Variants in BCAS3 observed in about 807,000 individuals in gnomAD.
The protein encoded by BCAS3 is BCAS3 microtubule associated cell migration factor, also known as BCAS4/BCAS3 fusion.
BCAS3 carries 53 observed loss-of-function variants against 116.1 expected under a neutral mutation model. The observed-to-expected ratio is 0.46, with a 90% confidence interval of 0.37 to 0.57. The LOEUF (loss-of-function observed/expected upper bound fraction) is 0.57. Among genes scored for constraint, BCAS3 ranks in the 20% least tolerant of loss-of-function variants. BCAS3 has a pLI of 0.00. For missense variants in BCAS3, 917 were observed against 1,165.4 expected (o/e 0.79, Z 3.10); for synonymous variants, 391 against 408.2 (o/e 0.96, Z 0.51).
At position 60,799,520 on chromosome 17, in the gene BCAS3, G is replaced by GTTTTTTTTTTTTTTT. The variant is rs200098763; in HGVS notation, c.404-8481_404-8480insTTTTTTTTTTTTTTT. 3.1e-4 allele frequency among the ~76,000 whole-genome samples: 37 copies of GTTTTTTTTTTTTTTT among 117,644 alleles called. 8 individuals carry two copies. Among genetic ancestry groups the GTTTTTTTTTTTTTTT allele is most frequent in the African/African-American group, 1.3e-3 (35 of 27,176 alleles). The allele number at this position is 117,644 out of a possible 152,430, so 77.2% of individuals were successfully genotyped here. ...AATATGTAAGTTTTTTGAGATTAGT[G>GTTTTTTTTTTTTTTT]TTTGTTTTTTTTTTTTTTTTTTTTT... On this transcript the variant is annotated intron_variant, in intron 6 of 23. Transcript: ENST00000407086.
At chr17:60,862,539 G>A (rs950589012) in intron 7 of BCAS3, among the ~76,000 whole-genome samples, 1 of 152,008 alleles carries the variant, frequency 6.6e-6, no homozygotes, top group Non-Finnish European at 1.5e-5. Context: ...TTCAATTTTG[G>A]GAGGTTGTTG....
rs1048720814 is a variant in BCAS3, at chr17:61,285,914, G to A, written c.2426-82413G>A. ...TCTACCAATTTTTTTTTAGTTTCAA[G>A]ACTTAGCTTACACACACACTCAAGT... On this transcript the variant is annotated intron_variant, in intron 22 of 23. Transcript: ENST00000407086. This position sits in a 1 kb window ranked among gnomAD's most constrained non-coding sequence, Gnocchi z 5.4. 6.6e-6 allele frequency among the ~76,000 whole-genome samples: 1 copy of A among 152,040 alleles called. No homozygotes were observed. The highest frequency in any genetic ancestry group is 2.4e-5 in the African/African-American group (1 of 41,402).
chr17:61,067,297 A>G (rs1394128677), intron 19 of BCAS3, among the ~76,000 whole-genome samples: 6 of 129,300 alleles, frequency 4.6e-5, no homozygotes, highest in African/African-American at 1.5e-4. Flanking sequence ...ATATATATAT[A>G]TATATATATA....
At chr17:60,943,322 C>A (rs550994275) in intron 13 of BCAS3, among the ~76,000 whole-genome samples, 1 of 151,886 alleles carries the variant, frequency 6.6e-6, no homozygotes, top group South Asian at 2.1e-4. Flanking sequence ...AGAGAGTGAG[C>A]GAGTGTGAGA....
intron 22 of BCAS3, among the ~76,000 whole-genome samples, chr17:61,191,716 T>A (rs541933835): frequency 1.3e-5 from 2 of 150,048 alleles, no homozygotes; most frequent in Admixed American, 6.7e-5. Context: ...CAGAGCTTGC[T>A]GTGAGCCGAG....
rs573107628 is a variant in BCAS3, at chr17:61,377,394, G to A, written c.2593+8900G>A. On this transcript the variant is annotated intron_variant, in intron 23 of 23. Transcript: ENST00000407086. The surrounding 1 kb of genome is among the most constrained non-coding windows in gnomAD (Gnocchi z 4.6). Reference sequence around the variant, plus strand: ...GCTATTTGTGTCTCGGTTCAGTGTCGGATTGCCTATTCCTAGCTATTTTCC... The same window carrying A: ...GCTATTTGTGTCTCGGTTCAGTGTCAGATTGCCTATTCCTAGCTATTTTCC... Among the ~76,000 whole-genome samples the A allele has an allele frequency of 3.3e-5, 5 of 152,284 alleles. No homozygotes were observed. The highest frequency in any genetic ancestry group is 5.9e-5 in the Non-Finnish European group (4 of 68,026).
chr17:61,310,707 G>T (rs3902106), intron 22 of BCAS3, among the ~76,000 whole-genome samples: 23 of 152,142 alleles, frequency 1.5e-4, no homozygotes, highest in Admixed American at 5.2e-4. Flanking sequence ...AGACATGAAG[G>T]GGGGCAGGCC....
At chr17:61,306,501 C>T (rs766470023) in intron 22 of BCAS3, among the ~76,000 whole-genome samples, 5 of 152,142 alleles carry the variant, frequency 3.3e-5, no homozygotes, top group Non-Finnish European at 7.4e-5. Context: ...TGGCTGAGCA[C>T]ACCAAGCTTT....
intron 22 of BCAS3, among the ~76,000 whole-genome samples, chr17:61,125,533 CAA>C (rs889412611): frequency 6.6e-6 from 1 of 151,684 alleles, no homozygotes; most frequent in Non-Finnish European, 1.5e-5. Context: ...AGAATATTGA[CAA>C]AAAAAATTTT....
intron 16 of BCAS3, chr17:61,027,054 A>G: frequency 3.1e-6 from 2 of 644,200 alleles, no homozygotes; most frequent in Non-Finnish European, 5.1e-6. Context: ...TGGAACATGA[A>G]TGTTGATATT....
At position 61,324,743 on chromosome 17, in the gene BCAS3, A is replaced by G. The variant is rs768230400; in HGVS notation, c.2426-43584A>G. Among the ~76,000 whole-genome samples, 37 of 151,912 alleles carry G rather than the reference A, an allele frequency of 2.4e-4. No homozygotes were observed. The highest frequency in any genetic ancestry group is 5.1e-4 in the Non-Finnish European group (35 of 67,986). On this transcript the variant is annotated intron_variant, in intron 22 of 23. Transcript: ENST00000407086. This position sits in a 1 kb window ranked among gnomAD's most constrained non-coding sequence, Gnocchi z 4.6. ...GCCAGGCACGGTAGCTCACTTCTAT[A>G]ATCTCAGAAGGCGGGAGGATCAGTT...
chr17:61,077,920 A>G lies in BCAS3; in HGVS notation c.2131-413A>G, dbSNP rs1471261620. 1.3e-5 allele frequency among the ~76,000 whole-genome samples: 2 copies of G among 152,188 alleles called. No homozygotes were observed. Among genetic ancestry groups the G allele is most frequent in the Non-Finnish European group, 2.9e-5 (2 of 68,032 alleles). ...AGGAATTGCTTTTAATCTGTGGATTAATAGGTGTAGTATTCAGTGCATGCC... is the reference window on the plus strand; with the variant it reads ...AGGAATTGCTTTTAATCTGTGGATTGATAGGTGTAGTATTCAGTGCATGCC... On this transcript the variant is annotated intron_variant, in intron 20 of 23. Coordinates refer to ENST00000407086, the MANE Select transcript of BCAS3 (RefSeq NM_017679.5). The surrounding 1 kb of genome is among the most constrained non-coding windows in gnomAD (Gnocchi z 4.3).
chr17:61,155,094 C>G (rs1401969401), intron 22 of BCAS3, among the ~76,000 whole-genome samples: 1 of 152,090 alleles, frequency 6.6e-6, no homozygotes, highest in Non-Finnish European at 1.5e-5. Flanking sequence ...GCCTGGGTCA[C>G]TTATGTGATG....
Position 61,032,335 on chromosome 17 carries a change from A to G in BCAS3, c.1638-2331A>G, listed in dbSNP as rs956583238. 6.6e-6 allele frequency among the ~76,000 whole-genome samples: 1 copy of G among 152,166 alleles called. No homozygotes were observed. The highest frequency in any genetic ancestry group is 6.6e-5 in the Admixed American group (1 of 15,266). On this transcript the variant is annotated intron_variant, in intron 16 of 23. Transcript: ENST00000407086. This position sits in a 1 kb window ranked among gnomAD's most constrained non-coding sequence, Gnocchi z 4.6. ...AGCTTTGTTCTCTGATGGTGATTCT[A>G]GTAAAAGCACATAGTCGCACAATTG...
intron 5 of BCAS3, among the ~76,000 whole-genome samples, chr17:60,744,909 T>C (rs970099102): frequency 2.0e-5 from 3 of 152,168 alleles, no homozygotes; most frequent in African/African-American, 7.2e-5. Context: ...TGCTGAAAAG[T>C]GTTGTATATT....
chr17:60,988,360 T>TTTTTTTTTTTTTTG (rs1555651709), intron 14 of BCAS3, among the ~76,000 whole-genome samples: 22 of 134,872 alleles, frequency 1.6e-4, no homozygotes, highest in African/African-American at 7.0e-4. Context: ...TTTTTTTTTT[T>TTTTTTTTTTTTTTG]ATGTATGTGT....
chr17:61,097,101 A>G lies in BCAS3; in HGVS notation c.2425+12537A>G, dbSNP rs2074025043. On this transcript the variant is annotated intron_variant, in intron 22 of 23. Transcript: ENST00000407086. The surrounding 1 kb of genome is among the most constrained non-coding windows in gnomAD (Gnocchi z 4.0). Reference sequence around the variant, plus strand: ...TAAACACAAAGAAAACCATACGTAGACATATTATAATCAAACTGTTCAGAT... The same window carrying G: ...TAAACACAAAGAAAACCATACGTAGGCATATTATAATCAAACTGTTCAGAT... 6.6e-6 allele frequency among the ~76,000 whole-genome samples: 1 copy of G among 152,240 alleles called. No individual in the cohort carries two copies. The highest frequency in any genetic ancestry group is 1.5e-5 in the Non-Finnish European group (1 of 68,042).
intron 13 of BCAS3, among the ~76,000 whole-genome samples, chr17:60,929,245 A>T (rs1025762727): frequency 6.6e-6 from 1 of 152,106 alleles, no homozygotes; most frequent in African/African-American, 2.4e-5. Context: ...CAACATACCA[A>T]GATCCTGTAT....
intron 7 of BCAS3, among the ~76,000 whole-genome samples, chr17:60,828,774 C>G (rs763236365): frequency 2.0e-5 from 3 of 152,028 alleles, no homozygotes; most frequent in Non-Finnish European, 4.4e-5. Flanking sequence ...TATGTTCTTT[C>G]AAGACATGTT....
Sources: allele counts gnomAD v4.1 joint callset (sites outside exome capture counted in the v4.1 genomes callset), GRCh38; gene constraint gnomAD v4.1.1; non-coding constraint Gnocchi (gnomAD v3.1); transcripts MANE v1.5; gene names NCBI Gene and HGNC (gene_info 2026-07-23, HGNC 2026-07-21).